ANXA13: variants seen among roughly 807,000 people sequenced by gnomAD.
ANXA13 encodes annexin XIII.
Under a neutral mutation model 46.6 loss-of-function variants are expected in ANXA13, and 36 were observed. That is an observed-to-expected ratio of 0.77 (90% CI 0.59 to 1.02). The LOEUF is 1.02. ANXA13 is among the 50% of genes least tolerant of loss of function. The probability of loss-of-function intolerance (pLI) is 0.00; values close to 1 mark genes in which losing one functional copy is unlikely to be tolerated. For missense variants in ANXA13, 417 were observed against 396.5 expected, an observed-to-expected ratio of 1.05 and a Z score of -0.44; for synonymous variants, 163 against 152.9, an observed-to-expected ratio of 1.07 and a Z score of -0.49.
intron 2 of ANXA13, among the ~76,000 whole-genome samples, chr8:123,708,328 C>T (rs754761812): frequency 5.3e-5 from 8 of 152,222 alleles, no homozygotes; most frequent in African/African-American, 1.4e-4. Context: ...TGGGAAGATA[C>T]CGAGTCACAT....
In ANXA13 at chr8:123,681,135, G is replaced by C. The variant is rs1410068969; in HGVS notation, c.*105C>G. On this transcript the variant is annotated 3_prime_UTR_variant, in exon 11 of 11. Transcript: ENST00000419625. Reference sequence around the variant, plus strand: ...CTTAAGCTGCCAAGAAAGTAATCCGGGACTCTTAAGGGTTTTCGTGCGGGA... The same window carrying C: ...CTTAAGCTGCCAAGAAAGTAATCCGCGACTCTTAAGGGTTTTCGTGCGGGA... 1.4e-6 allele frequency: 2 copies of C among 1,415,080 alleles called. No individual in the cohort carries two copies. The highest frequency in any genetic ancestry group is 1.9e-6 in the Non-Finnish European group (2 of 1,061,650). The allele number at this position is 1,415,080 out of a possible 1,614,324, so 87.7% of individuals were successfully genotyped here. A position where few individuals can be genotyped will look rare whatever the true frequency, so the allele number is the denominator to read the frequency against.
Position 123,693,231 on chromosome 8 carries a change from T to C in ANXA13, c.608A>G (p.Lys203Arg), listed in dbSNP as rs988127025. 13 of 1,614,204 alleles carry C rather than the reference T, an allele frequency of 8.1e-6. No homozygotes were observed. Among genetic ancestry groups the C allele is most frequent in the Admixed American group, 1.7e-5 (1 of 60,018 alleles). ...FNEVLAKRSY[K>R]QLRATFQAYQ... ...GGCTTGAAAGGTGGCTCGTAACTGC[T>C]TGTAGCTCCTCTTGGCCAGGACTTC... Residue 203 changes from lysine (K) to arginine (R), a missense_variant, in exon 8 of 11, where the codon AAG becomes AGG. By Grantham distance (26) the Lys-to-Arg change is conservative (BLOSUM62 2). Transcript: ENST00000419625.
At position 123,680,990 on chromosome 8, in the gene ANXA13, C is replaced by G; in HGVS notation, c.*250G>C. On this transcript the variant is annotated 3_prime_UTR_variant, in exon 11 of 11. Coordinates refer to ENST00000419625, the MANE Select transcript of ANXA13 (RefSeq NM_004306.4). ...TTAGTGTTTAGAAAACATCCAGTTA[C>G]CATGCTAAAAGAAAGTGAAGAGGCA... 1 of 434,054 alleles carries G rather than the reference C, an allele frequency of 2.3e-6. No individual in the cohort carries two copies. Among genetic ancestry groups the G allele is most frequent in the Admixed American group, 3.5e-5 (1 of 28,812 alleles). The allele number at this position is 434,054 out of a possible 1,614,324, so 26.9% of individuals were successfully genotyped here. A position where few individuals can be genotyped will look rare whatever the true frequency, so the allele number is the denominator to read the frequency against.
intron 1 of ANXA13, among the ~76,000 whole-genome samples, chr8:123,731,938 T>C (rs1367405434): frequency 1.3e-5 from 2 of 152,086 alleles, no homozygotes; most frequent in African/African-American, 2.4e-5. Flanking sequence ...GGAGTAATAG[T>C]TATGCAGAGA....
At chr8:123,698,241 C>T (rs1326546453) in intron 4 of ANXA13, 148 bp downstream of exon 4, 2 of 763,822 alleles carry the variant, frequency 2.6e-6, no homozygotes, top group Admixed American at 3.0e-5. Context: ...GAAGAGATGT[C>T]CTCCCACATG....
chr8:123,702,606 G>C, intron 3 of ANXA13, 36 bp downstream of exon 3: 1 of 1,558,946 alleles, frequency 6.4e-7, no homozygotes, highest in Non-Finnish European at 8.9e-7. Flanking sequence ...TGAGGCCATG[G>C]CTGGGTGCAA....
intron 3 of ANXA13, 146 bp downstream of exon 3, chr8:123,702,496 A>C: frequency 1.6e-6 from 1 of 643,324 alleles, no homozygotes; most frequent in East Asian, 2.6e-5. Context: ...GAACTCCATT[A>C]ATGCTTTTAA....
rs561910888 is a variant in ANXA13 at position 123,693,670 on chromosome 8, A to T, written c.540+41T>A. On this transcript the variant is annotated intron_variant, in intron 7 of 10. Coordinates refer to ENST00000419625, the MANE Select transcript of ANXA13 (RefSeq NM_004306.4). ...TGTTGAAAATAATGCTAATAAATTT[A>T]AAAAAAGAATTTGCAGAGACTGGCA... The T allele has an allele frequency of 7.5e-5, 115 of 1,533,652 alleles. 1 individual carries two copies. The African/African-American group carries it at 9.1e-4, about 12-fold the overall frequency.
chr8:123,695,619 G>GT, intron 5 of ANXA13, 38 bp from the exon 6 acceptor site: 2 of 1,609,514 alleles, frequency 1.2e-6, no homozygotes, highest in South Asian at 2.2e-5. Flanking sequence ...GAAAGCAGAT[G>GT]ATTTAGTTTC....
intron 2 of ANXA13, among the ~76,000 whole-genome samples, chr8:123,710,051 G>A (rs957244913): frequency 2.3e-4 from 35 of 152,214 alleles, no homozygotes; most frequent in African/African-American, 7.2e-4. Context: ...GAGCCACTGC[G>A]CCCAGCCAAG....
At position 123,727,210 on chromosome 8, in the gene ANXA13, AT is replaced by A. The variant is rs549247413; in HGVS notation, c.15+10109del. On this transcript the variant is annotated intron_variant, in intron 1 of 10. Transcript: ENST00000419625. ...CCCCCAAAACCTACAGAAATAAAGA[AT>A]TTTTAAAAAAGAAGAAGTTGTTACT... Among the ~76,000 whole-genome samples the A allele has an allele frequency of 8.0e-3, 1,213 of 152,334 alleles. 11 individuals are homozygous for A. The highest frequency in any genetic ancestry group is 9.4e-3 in the Non-Finnish European group (638 of 68,034).
At chr8:123,715,470 T>TTCATGAGC (rs1417173192) in intron 1 of ANXA13, among the ~76,000 whole-genome samples, 3 of 152,274 alleles carry the variant, frequency 2.0e-5, no homozygotes, top group Non-Finnish European at 4.4e-5. Flanking sequence ...ACTCGGCTAA[T>TTCATGAGC]TCATGAGCTG....
intron 1 of ANXA13, among the ~76,000 whole-genome samples, chr8:123,716,761 C>T (rs1248480369): frequency 6.6e-6 from 1 of 152,104 alleles, no homozygotes; most frequent in Non-Finnish European, 1.5e-5. Context: ...GGACATTCCA[C>T]GTCCATTGTT....
At chr8:123,685,026 C>A (rs1813115694) in intron 9 of ANXA13, among the ~76,000 whole-genome samples, 1 of 152,198 alleles carries the variant, frequency 6.6e-6, no homozygotes, top group Non-Finnish European at 1.5e-5. Context: ...AAATAACTTT[C>A]CCTATCGAGT....
chr8:123,737,080 C>G (rs764839365), intron 1 of ANXA13, among the ~76,000 whole-genome samples: 1 of 151,382 alleles, frequency 6.6e-6, no homozygotes, highest in Non-Finnish European at 1.5e-5. Flanking sequence ...AGGCTGACCT[C>G]AAACTCCTGA....
chr8:123,684,998 C>T (rs1389163024), intron 9 of ANXA13, among the ~76,000 whole-genome samples: 4 of 152,236 alleles, frequency 2.6e-5, no homozygotes, highest in African/African-American at 9.6e-5. Context: ...GTCCATGATT[C>T]TCGTTATTTC....
At chr8:123,715,647 T>A (rs527325317) in intron 1 of ANXA13, among the ~76,000 whole-genome samples, 1 of 152,328 alleles carries the variant, frequency 6.6e-6, no homozygotes, top group Admixed American at 6.5e-5. Context: ...AGAACTGAGC[T>A]GGGGGCATGC....
At chr8:123,720,993 G>A (rs1055897420) in intron 1 of ANXA13, among the ~76,000 whole-genome samples, 8 of 152,122 alleles carry the variant, frequency 5.3e-5, no homozygotes, top group South Asian at 4.1e-4. Context: ...TTCATCTTGC[G>A]TAACCAAAAC....
chr8:123,693,849 A>G (rs1813284740), intron 6 of ANXA13, 70 bp from the exon 7 acceptor site: 2 of 1,410,712 alleles, frequency 1.4e-6, no homozygotes, highest in East Asian at 2.3e-5. Flanking sequence ...TAACAAAAAA[A>G]ACAAAGTCCT....
Sources: allele counts gnomAD v4.1 joint callset (sites outside exome capture counted in the v4.1 genomes callset), GRCh38; gene constraint gnomAD v4.1.1; transcripts MANE v1.5; gene names NCBI Gene and HGNC (gene_info 2026-07-23, HGNC 2026-07-21).